The following YIPF7 variants were observed in gnomAD, a reference collection of about 807,000 sequenced individuals.
YIPF7 encodes the protein Yip1 domain family member 7.
In YIPF7, 35 loss-of-function variants were observed where a neutral mutation model predicts 27.2. The observed-to-expected ratio is 1.29, with a 90% CI of 0.98 to 1.70. The LOEUF (loss-of-function observed/expected upper bound fraction) is 1.70. YIPF7 is among the 40% of genes most tolerant of loss of function. The pLI is 0.00. For synonymous variants in YIPF7, 137 were observed against 110.4 expected, an observed-to-expected ratio of 1.24 and a Z score of -1.51; for missense variants, 358 against 303.7, an observed-to-expected ratio of 1.18 and a Z score of -1.33.
chr4:44,655,419 GTT>G (rs1444855988), upstream of YIPF7, among the ~76,000 whole-genome samples: 1 of 151,910 alleles, frequency 6.6e-6, no homozygotes, highest in Non-Finnish European at 1.5e-5. Context: ...TGATTACTCT[GTT>G]TCTTCAAAAA....
Position 44,625,613 on chromosome 4 carries a change from G to A in YIPF7, c.427-831C>T, listed in dbSNP as rs571906601. On this transcript the variant is annotated intron_variant, in intron 4 of 5. Transcript: ENST00000415895. ...AATTATAAAAGGTGTACTGTCAAAG[G>A]AAGTTAGTAGTGTTCGGAGTACACT... 7.9e-5 allele frequency among the ~76,000 whole-genome samples: 12 copies of A among 152,244 alleles called. No homozygotes were observed. In the East Asian group the frequency reaches 2.3e-3, roughly 30 times the overall value.
upstream of YIPF7, among the ~76,000 whole-genome samples, chr4:44,654,200 G>T (rs1713822794): frequency 6.6e-6 from 1 of 151,974 alleles, no homozygotes; most frequent in African/African-American, 2.4e-5. Context: ...ACATTTAAGT[G>T]GGTTTTTTCC....
At chr4:44,637,759 T>C (rs566048050) in intron 2 of YIPF7, among the ~76,000 whole-genome samples, 1 of 152,296 alleles carries the variant, frequency 6.6e-6, no homozygotes, top group South Asian at 2.1e-4. Context: ...ATCCTTTCTC[T>C]CGAGTCCCCA....
At chr4:44,645,941 T>C (rs1421621716) in intron 2 of YIPF7, among the ~76,000 whole-genome samples, 1 of 152,164 alleles carries the variant, frequency 6.6e-6, no homozygotes, top group Non-Finnish European at 1.5e-5. Flanking sequence ...GTACACCAAA[T>C]TGTTAATAAT....
chr4:44,644,818 G>C (rs1255060710), intron 2 of YIPF7, among the ~76,000 whole-genome samples: 2 of 152,156 alleles, frequency 1.3e-5, no homozygotes, highest in Non-Finnish European at 2.9e-5. Flanking sequence ...TCCCCAGCTG[G>C]AGGTGGGGCC....
At chr4:44,651,462 A>G (rs1713736523) in intron 1 of YIPF7, 92 bp downstream of exon 1, 1 of 713,238 alleles carries the variant, frequency 1.4e-6, no homozygotes, top group Non-Finnish European at 2.1e-6. Flanking sequence ...GCAAAGCTTT[A>G]TGTAACATGA....
At chr4:44,634,113 T>G (rs1379702653) in intron 3 of YIPF7, among the ~76,000 whole-genome samples, 2 of 152,214 alleles carry the variant, frequency 1.3e-5, no homozygotes, top group African/African-American at 4.8e-5. Flanking sequence ...AAAGCATTAC[T>G]TGCTATAAGG....
At chr4:44,642,808 T>C (rs546382392) in intron 2 of YIPF7, among the ~76,000 whole-genome samples, 169 of 152,228 alleles carry the variant, frequency 1.1e-3, no homozygotes, top group African/African-American at 3.9e-3. Flanking sequence ...CCACCATGAG[T>C]AAAAGCTCCC....
chr4:44,650,468 C>T (rs1352790), intron 1 of YIPF7, among the ~76,000 whole-genome samples: 149,710 of 151,910 alleles, frequency 0.99, 73,811 homozygotes, highest in East Asian at 1. Flanking sequence ...AAACGATGTT[C>T]TTCATTTTAA....
At chr4:44,662,147 T>A (rs1714054921) in intron 1 of YIPF7, among the ~76,000 whole-genome samples, 1 of 152,226 alleles carries the variant, frequency 6.6e-6, no homozygotes, top group African/African-American at 2.4e-5. Context: ...AGTGGGTGCC[T>A]AAGAAACCAC....
chr4:44,624,682 T>C lies in YIPF7; in HGVS notation c.527A>G (p.Tyr176Cys), dbSNP rs1298324214. 3.7e-6 allele frequency: 6 copies of C among 1,608,806 alleles called. No homozygotes were observed. The highest frequency in any genetic ancestry group is 2.7e-5 in the African/African-American group (2 of 74,868). ...ACCCAGCACGCTGGCCACACAGCCG[T>C]ACGACACCCCTGAAGAGCTCATCAG... Reference protein sequence around the residue: ...LNLMSSSGVSYGCVASVLGYC... With the variant: ...LNLMSSSGVSCGCVASVLGYC... The change falls in exon 5 of 6, where the codon TAC becomes TGC. Residue 176 changes from tyrosine to cysteine, a missense_variant. Physicochemically the swap from Tyr to Cys is radical, Grantham distance 194 (BLOSUM62 -2). Coordinates refer to ENST00000415895, the MANE Select transcript of YIPF7 (RefSeq NM_182592.3).
At chr4:44,636,755 C>T (rs1560326140) in intron 2 of YIPF7, among the ~76,000 whole-genome samples, 1 of 151,926 alleles carries the variant, frequency 6.6e-6, no homozygotes, top group Non-Finnish European at 1.5e-5. Context: ...TTTAGTGTCT[C>T]TTTATTTTAT....
At chr4:44,658,240 A>G (rs1450972127) in intron 2 of YIPF7, among the ~76,000 whole-genome samples, 1 of 152,100 alleles carries the variant, frequency 6.6e-6, no homozygotes, top group Non-Finnish European at 1.5e-5. Flanking sequence ...GTAATCTTAT[A>G]AGAAGAGGCC....
At chr4:44,643,597 G>C (rs906871709) in intron 2 of YIPF7, among the ~76,000 whole-genome samples, 1 of 152,180 alleles carries the variant, frequency 6.6e-6, no homozygotes, top group African/African-American at 2.4e-5. Context: ...AAAGGCCTTT[G>C]TGTCAGTCCT....
chr4:44,643,995 C>T (rs533123637), intron 2 of YIPF7, among the ~76,000 whole-genome samples: 2 of 152,252 alleles, frequency 1.3e-5, no homozygotes, highest in African/African-American at 2.4e-5. Context: ...AGAGTCTCCA[C>T]ACAGAGTCCC....
chr4:44,632,326 T>C (rs1712935922), intron 3 of YIPF7, among the ~76,000 whole-genome samples: 1 of 152,216 alleles, frequency 6.6e-6, no homozygotes, highest in South Asian at 2.1e-4. Flanking sequence ...ATGATACATA[T>C]GCTATAAAAG....
chr4:44,648,222 C>A lies in YIPF7; in HGVS notation c.116+1763G>T, dbSNP rs1325726549. ...ATCCTTTATCTGAAATGTTTGGGAC[C>A]AAAGTGTTTTAGATTTCAGATTTTT... On this transcript the variant is annotated intron_variant, in intron 2 of 5. Coordinates refer to ENST00000415895, the MANE Select transcript of YIPF7 (RefSeq NM_182592.3). 5.9e-5 allele frequency among the ~76,000 whole-genome samples: 9 copies of A among 152,106 alleles called. No individual in the cohort carries two copies. In the East Asian group the frequency reaches 1.7e-3, roughly 29 times the overall value.
In YIPF7 at chr4:44,635,917, C is replaced by G; in HGVS notation, c.280+5G>C. The G allele has an allele frequency of 6.2e-7, 1 of 1,613,374 alleles. No homozygotes were observed. ...ACACACATTAATAACACTTCCTTAA[C>G]TTATCTTCTAGCAAAGGAGGCTCTT... is the stretch of plus-strand genomic sequence containing the variant. On this transcript the variant is annotated splice_donor_5th_base_variant and intron_variant, in intron 3 of 5. Coordinates refer to ENST00000415895, the MANE Select transcript of YIPF7 (RefSeq NM_182592.3).
chr4:44,634,769 T>C (rs1364481480), intron 3 of YIPF7, among the ~76,000 whole-genome samples: 2 of 152,212 alleles, frequency 1.3e-5, no homozygotes, highest in Non-Finnish European at 2.9e-5. Flanking sequence ...AATTTTTATA[T>C]TTTTATTCTT....
Sources: allele counts gnomAD v4.1 joint callset (sites outside exome capture counted in the v4.1 genomes callset), GRCh38; gene constraint gnomAD v4.1.1; transcripts MANE v1.5; gene names NCBI Gene and HGNC (gene_info 2026-07-23, HGNC 2026-07-21).